Variants in RALGPS1 observed in about 807,000 individuals in gnomAD.
RALGPS1 encodes the protein ras-specific guanine nucleotide-releasing factor RalGPS1.
A neutral mutation model predicts 78.8 loss-of-function variants in RALGPS1; 19 were observed. The ratio of observed to expected loss-of-function variants is 0.24; its 90% CI spans 0.17 to 0.35. RALGPS1 has a LOEUF of 0.35. RALGPS1 is among the 10% of genes least tolerant of loss of function. The probability of loss-of-function intolerance (pLI) is 1.00; values close to 1 mark genes in which losing one functional copy is unlikely to be tolerated. For synonymous variants in RALGPS1, 228 were observed against 256.3 expected (o/e 0.89, Z 1.06); for missense variants, 454 against 688.3 (o/e 0.66, Z 3.81).
chr9:127,196,542 T>C lies in RALGPS1; in HGVS notation c.1106T>C (p.Leu369Pro). Residue 369 changes from leucine (L) to proline (P), a missense_variant, in exon 13 of 19, where the codon CTA becomes CCA. By Grantham distance (98) the Leu-to-Pro change is moderately conservative. Coordinates refer to ENST00000259351, the MANE Select transcript of RALGPS1 (RefSeq NM_014636.3). Reference sequence around the variant, plus strand: ...TTCCCATCGGAGAAAGCAAGGCACCTACTGGACGACAGTGTCCTAGAGTCC... The same window carrying C: ...TTCCCATCGGAGAAAGCAAGGCACCCACTGGACGACAGTGTCCTAGAGTCC... ...ATFPSEKARH[L>P]LDDSVLESRS... 1 of 1,614,204 alleles carries C rather than the reference T, an allele frequency of 6.2e-7. No individual in the cohort carries two copies. The highest frequency in any genetic ancestry group is 8.5e-7 in the Non-Finnish European group (1 of 1,179,984).
chr9:127,052,624 G>C (rs12349534), intron 6 of RALGPS1, among the ~76,000 whole-genome samples: 1 of 151,990 alleles, frequency 6.6e-6, no homozygotes, highest in Non-Finnish European at 1.5e-5. Context: ...CCACGTTTCT[G>C]TCCAGACTAG....
Position 127,001,838 on chromosome 9 carries a change from C to T in RALGPS1, c.216+24093C>T, listed in dbSNP as rs529906950. The stretch of plus-strand genomic sequence containing the variant: ...GGCGGAGGTTGCAGTGAGCCGAGAT[C>T]GTGCCATTGCGCTCCAGCCTTGGCA... On this transcript the variant is annotated intron_variant, in intron 4 of 18. Coordinates refer to ENST00000259351, the MANE Select transcript of RALGPS1 (RefSeq NM_014636.3). Among the ~76,000 whole-genome samples the T allele has an allele frequency of 2.2e-4, 33 of 152,226 alleles. 1 individual carries two copies. The highest frequency in any genetic ancestry group is 5.8e-4 in the East Asian group (3 of 5,186).
intron 4 of RALGPS1, among the ~76,000 whole-genome samples, chr9:127,032,411 T>G (rs1157801276): frequency 6.6e-6 from 1 of 152,168 alleles, no homozygotes; most frequent in Non-Finnish European, 1.5e-5. Flanking sequence ...TGCTATTTAT[T>G]CGAAAATTCA....
At chr9:127,203,503 G>A (rs1363904576) in intron 14 of RALGPS1, among the ~76,000 whole-genome samples, 1 of 152,050 alleles carries the variant, frequency 6.6e-6, no homozygotes, top group Non-Finnish European at 1.5e-5. Context: ...CAGGTAGTGG[G>A]AAGCGTAGGG....
At chr9:127,045,316 T>G (rs1307192658) in intron 5 of RALGPS1, among the ~76,000 whole-genome samples, 1 of 152,204 alleles carries the variant, frequency 6.6e-6, no homozygotes, top group South Asian at 2.1e-4. Context: ...ACAACCTCAC[T>G]GAGGACAGGG....
At position 127,161,392 on chromosome 9, in the gene RALGPS1, G is replaced by A. The variant is rs189663411; in HGVS notation, c.611-4677G>A. On this transcript the variant is annotated intron_variant, in intron 8 of 18. Coordinates refer to ENST00000259351, the MANE Select transcript of RALGPS1 (RefSeq NM_014636.3). ...CTTATTCACAGTCAAGGAAACTGAGGCCCTGGGAGGTAAAAAGGCTTGCCT... is the reference window on the plus strand; with the variant it reads ...CTTATTCACAGTCAAGGAAACTGAGACCCTGGGAGGTAAAAAGGCTTGCCT... 7.2e-5 allele frequency among the ~76,000 whole-genome samples: 11 copies of A among 152,354 alleles called. No homozygotes were observed. In the East Asian group the frequency reaches 1.5e-3, roughly 21 times the overall value.
chr9:127,021,722 C>T (rs2045472686), intron 4 of RALGPS1, among the ~76,000 whole-genome samples: 1 of 150,880 alleles, frequency 6.6e-6, no homozygotes. Flanking sequence ...AACATAATTC[C>T]CAGTGTAAGA....
At chr9:127,040,128 T>A (rs575750389) in intron 5 of RALGPS1, among the ~76,000 whole-genome samples, 91 of 152,116 alleles carry the variant, frequency 6.0e-4, no homozygotes, top group African/African-American at 2.1e-3. Context: ...AGGCCGGGCA[T>A]GGTGGCTCAA....
intron 4 of RALGPS1, among the ~76,000 whole-genome samples, chr9:127,019,326 TTTTA>T (rs1434684900): frequency 6.6e-6 from 1 of 152,060 alleles, no homozygotes; most frequent in Non-Finnish European, 1.5e-5. Flanking sequence ...TTTTATTTTA[TTTTA>T]TTTTATTTTA....
intron 4 of RALGPS1, among the ~76,000 whole-genome samples, chr9:126,985,638 G>A (rs943804): frequency 0.59 from 89,118 of 152,058 alleles, 30,192 homozygotes; most frequent in East Asian, 0.81. Context: ...GCAGTAGACT[G>A]CTGGTCAAAT....
intron 1 of RALGPS1, among the ~76,000 whole-genome samples, chr9:126,931,089 C>T (rs1243276385): frequency 6.6e-6 from 1 of 152,196 alleles, no homozygotes; most frequent in Non-Finnish European, 1.5e-5. Context: ...CCTTCTAAGT[C>T]CAAAGTCACT....
At chr9:126,950,841 C>CA (rs778490961) in intron 1 of RALGPS1, among the ~76,000 whole-genome samples, 38,784 of 142,132 alleles carry the variant, frequency 0.27, 5,052 homozygotes, top group East Asian at 0.46. Context: ...GAAATAGAGA[C>CA]AAAAAAAAAA....
intron 4 of RALGPS1, among the ~76,000 whole-genome samples, chr9:126,986,941 T>C (rs2041855578): frequency 6.6e-6 from 1 of 152,194 alleles, no homozygotes; most frequent in Non-Finnish European, 1.5e-5. Flanking sequence ...TACCTTACAG[T>C]GGGCATGTAA....
At chr9:127,159,246 G>A (rs1025403063) in intron 8 of RALGPS1, among the ~76,000 whole-genome samples, 2 of 152,206 alleles carry the variant, frequency 1.3e-5, no homozygotes, top group Admixed American at 1.3e-4. Context: ...TTTGCAAACA[G>A]TGGGTTACCT....
intron 8 of RALGPS1, chr9:127,108,441 G>A (rs1452916820): frequency 1.2e-6 from 2 of 1,609,680 alleles, no homozygotes; most frequent in Non-Finnish European, 1.7e-6. Context: ...GCTTCTGCTT[G>A]AGCAGCTCAT....
intron 1 of RALGPS1, among the ~76,000 whole-genome samples, chr9:126,919,926 G>A (rs995317574): frequency 4.6e-5 from 7 of 152,144 alleles, no homozygotes; most frequent in African/African-American, 1.4e-4. Context: ...ACTTCTCCCT[G>A]GGGTGGTTTG....
chr9:127,120,407 C>T (rs1179199156), intron 8 of RALGPS1, among the ~76,000 whole-genome samples: 1 of 152,154 alleles, frequency 6.6e-6, no homozygotes, highest in Non-Finnish European at 1.5e-5. Context: ...AGACATAAAG[C>T]CCCCCTCTCC....
At chr9:126,977,943 C>T (rs2040836100) in intron 4 of RALGPS1, 198 bp downstream of exon 4, 1 of 452,508 alleles carries the variant, frequency 2.2e-6, no homozygotes, top group Non-Finnish European at 3.9e-6. Flanking sequence ...TGTCTCCCGT[C>T]TGGCCTACTC....
chr9:127,153,494 G>A (rs1001265447), intron 8 of RALGPS1, among the ~76,000 whole-genome samples: 4 of 150,122 alleles, frequency 2.7e-5, no homozygotes, highest in African/African-American at 9.8e-5. Context: ...CAGGGCCTGT[G>A]CCTGTCTGGT....
Sources: gnomAD v4.1 joint callset for allele counts (sites outside exome capture counted in the v4.1 genomes callset) on GRCh38, gnomAD v4.1.1 for gene constraint, MANE v1.5 for transcripts, NCBI Gene and HGNC (gene_info 2026-07-23, HGNC 2026-07-21) for gene names.